The following CRTAC1 variants were observed in gnomAD, a reference collection of about 807,000 sequenced individuals.
CRTAC1 encodes the protein acidic secreted protein in cartilage.
In CRTAC1, 37 loss-of-function variants were observed where a neutral mutation model predicts 67.8. That is an observed-to-expected ratio of 0.55 (90% CI 0.42 to 0.72). The LOEUF (loss-of-function observed/expected upper bound fraction) is 0.72, where lower values mean the gene tolerates loss of function less well. Among genes scored for constraint, CRTAC1 ranks in the 30% least tolerant of loss-of-function variants. CRTAC1 has a pLI of 0.00. For missense variants in CRTAC1, 780 were observed against 931.6 expected, an observed-to-expected ratio of 0.84 and a Z score of 2.12; for synonymous variants, 348 against 371.0, an observed-to-expected ratio of 0.94 and a Z score of 0.71.
At chr10:97,917,811 C>T (rs1290834409) in intron 4 of CRTAC1, among the ~76,000 whole-genome samples, 155 bp from the exon 5 acceptor site, 1 of 152,134 alleles carries the variant, frequency 6.6e-6, no homozygotes, top group East Asian at 1.9e-4. Flanking sequence ...GTGCATGGCG[C>T]ATTTCCAGAG....
At chr10:97,919,793 G>C (rs2050810624) in intron 4 of CRTAC1, among the ~76,000 whole-genome samples, 1 of 11,832 alleles carries the variant, frequency 8.5e-5, no homozygotes, top group Admixed American at 1.1e-3. Context: ...TTTTAAGACA[G>C]GGTCTCCCTC....
In CRTAC1 at chr10:98,019,270, G is replaced by A. The variant is rs148718501; in HGVS notation, c.25-7933C>T. On this transcript the variant is annotated intron_variant, in intron 1 of 14. Transcript: ENST00000370597. The stretch of plus-strand genomic sequence containing the variant: ...TCCCTATCTACAGACCCCGCCGCCT[G>A]GCTTATAAGCTAGGAGGCAGCACCC... 4.6e-3 allele frequency among the ~76,000 whole-genome samples: 696 copies of A among 152,276 alleles called. 5 individuals are homozygous for A. Among genetic ancestry groups the A allele is most frequent in the African/African-American group, 0.016 (667 of 41,552 alleles).
At chr10:97,923,685 A>T (rs185704425) in intron 3 of CRTAC1, among the ~76,000 whole-genome samples, 2 of 152,138 alleles carry the variant, frequency 1.3e-5, no homozygotes, top group Non-Finnish European at 1.5e-5. Context: ...GATGACCCTC[A>T]GCAGCTGGAT....
At chr10:98,008,251 T>C (rs2136691657) in intron 2 of CRTAC1, among the ~76,000 whole-genome samples, 1 of 152,332 alleles carries the variant, frequency 6.6e-6, no homozygotes. Flanking sequence ...GTGCCTACTA[T>C]TTCAGCATGC....
intron 5 of CRTAC1, among the ~76,000 whole-genome samples, chr10:97,914,074 G>A (rs984878508): frequency 1.3e-5 from 2 of 152,216 alleles, no homozygotes; most frequent in Admixed American, 1.3e-4. Flanking sequence ...GACAGATGCT[G>A]CCTCAAAGGG....
intron 4 of CRTAC1, 150 bp downstream of exon 4, chr10:97,923,114 A>C (rs1176716503): frequency 2.4e-6 from 2 of 831,824 alleles, no homozygotes; most frequent in Non-Finnish European, 3.7e-6. Context: ...ATAGGAATGC[A>C]TTCTGCAAGT....
At chr10:97,873,780 G>GGGCA (rs2050116951) in intron 14 of CRTAC1, among the ~76,000 whole-genome samples, 1 of 152,166 alleles carries the variant, frequency 6.6e-6, no homozygotes, top group African/African-American at 2.4e-5. Context: ...ATGAGGTTCT[G>GGGCA]GGCGGGACGT....
chr10:97,967,490 T>G (rs917602673), intron 2 of CRTAC1, among the ~76,000 whole-genome samples: 24 of 152,224 alleles, frequency 1.6e-4, no homozygotes, highest in Admixed American at 1.4e-3. Context: ...GTGTGCTTGT[T>G]GATACTGGAG....
At chr10:98,008,586 G>GAGGCTTTCCATGCTCTGAA (rs934900935) in intron 2 of CRTAC1, among the ~76,000 whole-genome samples, 1 of 150,858 alleles carries the variant, frequency 6.6e-6, no homozygotes, top group African/African-American at 2.5e-5. Context: ...GAGACAGGGA[G>GAGGCTTTCCATGCTCTGAA]AGGCTTTCCA....
At chr10:97,876,232 G>A (rs751673822) in intron 14 of CRTAC1, among the ~76,000 whole-genome samples, 7 of 152,270 alleles carry the variant, frequency 4.6e-5, no homozygotes, top group East Asian at 3.9e-4. Flanking sequence ...TCCTGCCTTC[G>A]TCTGTCTGGG....
At chr10:97,932,102 C>A (rs958674991) in intron 3 of CRTAC1, among the ~76,000 whole-genome samples, 1 of 152,190 alleles carries the variant, frequency 6.6e-6, no homozygotes, top group Non-Finnish European at 1.5e-5. Flanking sequence ...CAATTCTCAG[C>A]CCTTGACCCA....
At chr10:98,020,651 G>A (rs531986419) in intron 1 of CRTAC1, among the ~76,000 whole-genome samples, 1 of 152,258 alleles carries the variant, frequency 6.6e-6, no homozygotes, top group Non-Finnish European at 1.5e-5. Flanking sequence ...AAGAGGCAAC[G>A]CCAAGTGGGC....
rs553180378 is a variant in CRTAC1, at chr10:97,917,460, A to T, written c.715+40T>A. ...TTGCAGGGCCCTGGCCCCCAGCCCC[A>T]GCCCCTCCAGCATACTACCTCCCAT... On this transcript the variant is annotated intron_variant, in intron 5 of 14. Transcript: ENST00000370597. 4 of 1,430,688 alleles carry T rather than the reference A, an allele frequency of 2.8e-6. No individual in the cohort carries two copies. In the African/African-American group the frequency reaches 5.7e-5, roughly 20 times the overall value. The allele number at this position is 1,430,688 out of a possible 1,614,324, so 88.6% of individuals were successfully genotyped here. A position where few individuals can be genotyped will look rare whatever the true frequency, so the allele number is the denominator to read the frequency against.
intron 2 of CRTAC1, among the ~76,000 whole-genome samples, chr10:98,006,352 G>C (rs1842790477): frequency 6.6e-6 from 1 of 152,184 alleles, no homozygotes; most frequent in Non-Finnish European, 1.5e-5. Flanking sequence ...TCACCCCACA[G>C]GGAGCAGACT....
chr10:97,895,436 A>G lies in CRTAC1; in HGVS notation c.1318-23T>C. 3.2e-6 allele frequency: 5 copies of G among 1,566,230 alleles called. No individual in the cohort carries two copies. The highest frequency in any genetic ancestry group is 3.5e-6 in the Non-Finnish European group (4 of 1,157,396). ...GCCCTGCAGAGAGGGTGAGAGGCAGACACCCGGTGGGCATCAGCATGGTGG... is the reference window on the plus strand; with the variant it reads ...GCCCTGCAGAGAGGGTGAGAGGCAGGCACCCGGTGGGCATCAGCATGGTGG... On this transcript the variant is annotated intron_variant, in intron 10 of 14. Coordinates refer to ENST00000370597, the MANE Select transcript of CRTAC1 (RefSeq NM_018058.7). The surrounding 1 kb of genome is among the most constrained non-coding windows in gnomAD (Gnocchi z 4.2).
At chr10:97,886,723 C>A (rs1318325521) in intron 11 of CRTAC1, among the ~76,000 whole-genome samples, 6 of 150,184 alleles carry the variant, frequency 4.0e-5, no homozygotes, top group African/African-American at 1.5e-4. Flanking sequence ...CAGCTCACTG[C>A]AACCTCCCCC....
chr10:97,957,411 T>C (rs181328486), intron 2 of CRTAC1, among the ~76,000 whole-genome samples: 262 of 152,288 alleles, frequency 1.7e-3, no homozygotes, highest in Admixed American at 4.0e-3. Flanking sequence ...CTGATGTTTA[T>C]TGAGGGCTTA....
intron 2 of CRTAC1, among the ~76,000 whole-genome samples, chr10:98,005,033 AT>A (rs1340211547): frequency 4.6e-4 from 56 of 123,028 alleles, no homozygotes; most frequent in South Asian, 1.0e-3. Flanking sequence ...AGGTTGTGTG[AT>A]TTTTTTTTTT....
chr10:97,878,861 G>A (rs1721619079), intron 14 of CRTAC1, among the ~76,000 whole-genome samples: 1 of 152,160 alleles, frequency 6.6e-6, no homozygotes, highest in African/African-American at 2.4e-5. Flanking sequence ...AAGGCCTAGA[G>A]TACACACTCC....
Sources: gnomAD v4.1 joint callset for allele counts (sites outside exome capture counted in the v4.1 genomes callset) on GRCh38, gnomAD v4.1.1 for gene constraint, Gnocchi (gnomAD v3.1) non-coding constraint, MANE v1.5 for transcripts, NCBI Gene and HGNC (gene_info 2026-07-23, HGNC 2026-07-21) for gene names.